CFAP70: variants seen among roughly 807,000 people sequenced by gnomAD.
CFAP70 encodes the protein cilia and flagella associated protein 70, also known as cilia- and flagella-associated protein 70.
In CFAP70, 81 loss-of-function variants were observed where a neutral mutation model predicts 137.6. The ratio of observed to expected loss-of-function variants is 0.59; its 90% confidence interval spans 0.49 to 0.71. The LOEUF (loss-of-function observed/expected upper bound fraction) is 0.71. Ranked by LOEUF, CFAP70 falls within the 30% of genes least tolerant of loss-of-function variation. The pLI is 0.00. For missense variants in CFAP70, 976 were observed against 1,226.7 expected, an observed-to-expected ratio of 0.80 and a Z score of 3.05; for synonymous variants, 382 against 423.6, an observed-to-expected ratio of 0.90 and a Z score of 1.20.
At chr10:73,334,175 G>A (rs1427510461) in intron 7 of CFAP70, among the ~76,000 whole-genome samples, 1 of 152,184 alleles carries the variant, frequency 6.6e-6, no homozygotes, top group Non-Finnish European at 1.5e-5. Context: ...AGGTCACTGT[G>A]ATGAAGACTG....
In CFAP70 at chr10:73,310,154, A is replaced by C. The variant is rs1347663357; in HGVS notation, c.1256+4T>G. On this transcript the variant is annotated splice_donor_region_variant and intron_variant, in intron 12 of 26. Coordinates refer to ENST00000310715, the Ensembl canonical transcript of CFAP70. ...AAACTAGTATAAGCACCATAGCTAC[A>C]AACCTTCTGGCTAGCTCCTCTGGCA... is the stretch of plus-strand genomic sequence containing the variant. The C allele has an allele frequency of 1.2e-6, 2 of 1,601,774 alleles. No homozygotes were observed. The highest frequency in any genetic ancestry group is 1.7e-4 in the Middle Eastern group (1 of 6,008).
intron 13 of CFAP70, 122 bp downstream of exon 14, chr10:73,299,483 A>G: frequency 1.3e-6 from 1 of 759,116 alleles, no homozygotes; most frequent in South Asian, 1.7e-5. Flanking sequence ...CAATGAAAAT[A>G]CGTAAAGCTT....
Position 73,291,811 on chromosome 10 carries a change from A to G in CFAP70, c.1905-56T>C, listed in dbSNP as rs574045902. On this transcript the variant is annotated intron_variant, in intron 17 of 26. Coordinates refer to ENST00000310715, the Ensembl canonical transcript of CFAP70. ...CACGGTCCCATGTCACATTTATGGAACCAAGACAATTTCACGTAGAAACTT... is the reference window on the plus strand; with the variant it reads ...CACGGTCCCATGTCACATTTATGGAGCCAAGACAATTTCACGTAGAAACTT... 3.8e-5 allele frequency: 62 copies of G among 1,613,572 alleles called. No homozygotes were observed. The African/African-American group carries it at 7.3e-4, about 19-fold the overall frequency.
intron 23 of CFAP70, among the ~76,000 whole-genome samples, chr10:73,273,551 A>T (rs1486759719): frequency 6.6e-6 from 1 of 152,248 alleles, no homozygotes; most frequent in Non-Finnish European, 1.5e-5. Flanking sequence ...AGATACATCT[A>T]TAGCTGAGCC....
chr10:73,357,728 T>C (rs1369351845), intron 1 of CFAP70, among the ~76,000 whole-genome samples: 1 of 152,226 alleles, frequency 6.6e-6, no homozygotes, highest in Non-Finnish European at 1.5e-5. Context: ...ATTACCTGCA[T>C]TTAGTCGCTT....
Position 73,323,166 on chromosome 10 carries a change from C to T in CFAP70, c.778-69G>A, listed in dbSNP as rs538743058. On this transcript the variant is annotated intron_variant, in intron 8 of 26. Transcript: ENST00000310715. ...TAATATAAGGTATGGAGCTCTGACTCAGCAGTTCAAAGGCCTGGTTTTAGA... is the reference window on the plus strand; with the variant it reads ...TAATATAAGGTATGGAGCTCTGACTTAGCAGTTCAAAGGCCTGGTTTTAGA... The T allele has an allele frequency of 7.8e-6, 11 of 1,415,544 alleles. No individual in the cohort carries two copies. The African/African-American group carries it at 1.3e-4, about 17-fold the overall frequency. The allele number at this position is 1,415,544 out of a possible 1,614,324, so 87.7% of individuals were successfully genotyped here.
At chr10:73,357,282 C>A (rs1564900092) in intron 1 of CFAP70, among the ~76,000 whole-genome samples, 2 of 152,072 alleles carry the variant, frequency 1.3e-5, no homozygotes, top group Non-Finnish European at 2.9e-5. Flanking sequence ...TGTTATCTTA[C>A]CAGCAGTCAT....
chr10:73,362,798 G>A (rs540591064), upstream of CFAP70, among the ~76,000 whole-genome samples: 33 of 151,924 alleles, frequency 2.2e-4, no homozygotes, highest in Admixed American at 1.6e-3. Context: ...AGGACTTCCA[G>A]TACTATGTTG....
intron 9 of CFAP70, among the ~76,000 whole-genome samples, chr10:73,313,473 G>C (rs2050095510): frequency 6.7e-6 from 1 of 148,532 alleles, no homozygotes; most frequent in African/African-American, 2.5e-5. Context: ...AACCCAAGCA[G>C]TCAAGGCTAC....
intron 8 of CFAP70, among the ~76,000 whole-genome samples, chr10:73,328,813 T>C (rs1416575985): frequency 6.6e-6 from 1 of 151,136 alleles, no homozygotes; most frequent in Non-Finnish European, 1.5e-5. Context: ...CCAGTTAGAA[T>C]GGCAATCATT....
chr10:73,291,804 T>A (rs1414485191), intron 17 of CFAP70, 49 bp from the exon 19 acceptor site: 4 of 1,612,694 alleles, frequency 2.5e-6, no homozygotes, highest in Non-Finnish European at 2.5e-6. Flanking sequence ...CATGTCACAT[T>A]TATGGAACCA....
intron 19 of CFAP70, among the ~76,000 whole-genome samples, chr10:73,284,790 A>C (rs1339300943): frequency 2.8e-5 from 2 of 70,874 alleles, no homozygotes; most frequent in East Asian, 5.8e-4. Flanking sequence ...ATATATATAT[A>C]TATATATATA....
At position 73,314,923 on chromosome 10, in the gene CFAP70, T is replaced by A. The variant is rs1169035494; in HGVS notation, c.913-2280A>T. ...CCTGGCCCAAGTTCACTACTTTTTT[T>A]AAAAAACAGGCTGGGCACGGTTACT... On this transcript the variant is annotated intron_variant, in intron 9 of 26. Coordinates refer to ENST00000310715, the Ensembl canonical transcript of CFAP70. 5.4e-5 allele frequency among the ~76,000 whole-genome samples: 8 copies of A among 148,996 alleles called. No individual in the cohort carries two copies. In the East Asian group the frequency reaches 6.4e-4, roughly 12 times the overall value.
chr10:73,320,501 A>AT (rs60737702), intron 9 of CFAP70, among the ~76,000 whole-genome samples: 2 of 151,102 alleles, frequency 1.3e-5, no homozygotes, highest in Admixed American at 6.6e-5. Flanking sequence ...TTAAAAAAAA[A>AT]TTTTTTTTGT....
intron 12 of CFAP70, among the ~76,000 whole-genome samples, chr10:73,309,410 G>A (rs2049701326): frequency 6.6e-6 from 1 of 152,060 alleles, no homozygotes; most frequent in Non-Finnish European, 1.5e-5. Flanking sequence ...AACTCCAGAA[G>A]GATAACAACA....
chr10:73,274,633 A>C (rs1442246581), intron 22 of CFAP70, 39 bp from the exon 24 acceptor site: 1 of 1,505,452 alleles, frequency 6.6e-7, no homozygotes, highest in Non-Finnish European at 9.0e-7. Flanking sequence ...GGGATAAGGT[A>C]GTATTTAAAA....
intron 1 of CFAP70, among the ~76,000 whole-genome samples, chr10:73,356,199 CT>C (rs1308675396): frequency 3.3e-5 from 5 of 150,362 alleles, no homozygotes; most frequent in African/African-American, 1.2e-4. Context: ...TTTATCTCTC[CT>C]TCCTTCCTTT....
intron 9 of CFAP70, among the ~76,000 whole-genome samples, chr10:73,313,237 T>C (rs1589443961): frequency 6.6e-6 from 1 of 151,848 alleles, no homozygotes; most frequent in Non-Finnish European, 1.5e-5. Context: ...CCAGGCGTGG[T>C]GGCGGGTGCC....
At chr10:73,318,092 G>A (rs2050547498) in intron 9 of CFAP70, among the ~76,000 whole-genome samples, 1 of 152,124 alleles carries the variant, frequency 6.6e-6, no homozygotes, top group Non-Finnish European at 1.5e-5. Context: ...CACCCCCACT[G>A]GATCATCTTT....
Sources: gnomAD v4.1 joint callset for allele counts (sites outside exome capture counted in the v4.1 genomes callset) on GRCh38, gnomAD v4.1.1 for gene constraint, MANE v1.5 for transcripts, NCBI Gene and HGNC (gene_info 2026-07-23, HGNC 2026-07-21) for gene names.